Variants in FRYL observed in about 807,000 individuals in gnomAD.
The protein encoded by FRYL is protein furry homolog-like.
In FRYL, 150 loss-of-function variants were observed where a neutral mutation model predicts 351.2. That is an observed-to-expected ratio of 0.43 (90% CI 0.37 to 0.49). The LOEUF (loss-of-function observed/expected upper bound fraction) is 0.49, where lower values mean the gene tolerates loss of function less well. FRYL is among the 20% of genes least tolerant of loss of function. FRYL has a pLI of 0.00. For missense variants in FRYL, 3,036 were observed against 3,619.3 expected (o/e 0.84, Z 4.13); for synonymous variants, 1,153 against 1,257.1 (o/e 0.92, Z 1.75).
intron 1 of FRYL, among the ~76,000 whole-genome samples, chr4:48,771,816 T>C (rs1271588292): frequency 6.6e-6 from 1 of 152,200 alleles, no homozygotes; most frequent in African/African-American, 2.4e-5. Context: ...AAGTACTGTA[T>C]GGGGTTCTGT....
At chr4:48,718,432 A>G (rs758329273) in intron 1 of FRYL, among the ~76,000 whole-genome samples, 3 of 151,558 alleles carry the variant, frequency 2.0e-5, no homozygotes, top group Non-Finnish European at 4.4e-5. Context: ...TATTTAGCCA[A>G]CCCAACTGCA....
intron 3 of FRYL, among the ~76,000 whole-genome samples, chr4:48,660,233 TA>T (rs2149471969): frequency 6.6e-6 from 1 of 152,220 alleles, no homozygotes; most frequent in East Asian, 1.9e-4. Flanking sequence ...CATATTGATA[TA>T]AATGAATGAC....
At chr4:48,547,523 G>T in intron 41 of FRYL, 61 bp downstream of exon 41, 1 of 944,248 alleles carries the variant, frequency 1.1e-6, no homozygotes, top group Non-Finnish European at 1.5e-6. Flanking sequence ...TTTCTCTAAT[G>T]CAGGATTCCA....
At chr4:48,618,972 C>T in intron 7 of FRYL, 1 of 245,550 alleles carries the variant, frequency 4.1e-6, no homozygotes, top group Non-Finnish European at 7.7e-6. Flanking sequence ...ACTGAAGTAG[C>T]TGAATGGCAG....
intron 3 of FRYL, among the ~76,000 whole-genome samples, chr4:48,648,756 C>A (rs1757050362): frequency 1.3e-5 from 2 of 152,110 alleles, no homozygotes; most frequent in Admixed American, 6.5e-5. Flanking sequence ...AATGTAAGAA[C>A]CCTGTCACAA....
chr4:48,528,399 G>A, intron 50 of FRYL, 63 bp from the exon 51 acceptor site: 16 of 1,269,806 alleles, frequency 1.3e-5, no homozygotes, highest in East Asian at 2.4e-5. Flanking sequence ...AACTTAAAAG[G>A]GTTAACAGTG....
In FRYL at chr4:48,501,331, T is replaced by C. The variant is rs764587040; in HGVS notation, c.8592+292A>G. Reference sequence around the variant, plus strand: ...TCAGACTCTCGAGTAACTAGGACTATAGGTATGTGCCACCATCCCTGGCTT... The same window carrying C: ...TCAGACTCTCGAGTAACTAGGACTACAGGTATGTGCCACCATCCCTGGCTT... On this transcript the variant is annotated intron_variant, in intron 62 of 63. Coordinates refer to ENST00000358350, the MANE Select transcript of FRYL (RefSeq NM_015030.2). 2.0e-5 allele frequency among the ~76,000 whole-genome samples: 3 copies of C among 152,158 alleles called. 1 individual carries two copies. The highest frequency in any genetic ancestry group is 6.5e-5 in the Admixed American group (1 of 15,272).
intron 1 of FRYL, among the ~76,000 whole-genome samples, chr4:48,710,963 C>A (rs532216126): frequency 6.6e-6 from 1 of 152,210 alleles, no homozygotes; most frequent in African/African-American, 2.4e-5. Context: ...AATTGATGAA[C>A]AGATAAATAA....
chr4:48,636,143 T>C (rs967203415), intron 3 of FRYL, among the ~76,000 whole-genome samples: 7 of 152,146 alleles, frequency 4.6e-5, no homozygotes, highest in African/African-American at 1.7e-4. Context: ...TCACAGTCCT[T>C]TGAACACAGT....
intron 22 of FRYL, among the ~76,000 whole-genome samples, chr4:48,579,542 C>T (rs181647695): frequency 6.6e-6 from 1 of 152,188 alleles, no homozygotes; most frequent in East Asian, 1.9e-4. Flanking sequence ...CAAATTTCAT[C>T]GTATACCAAA....
At chr4:48,551,379 C>T in intron 37 of FRYL, 115 bp downstream of exon 37, 1 of 569,412 alleles carries the variant, frequency 1.8e-6, no homozygotes, top group Non-Finnish European at 2.9e-6. Flanking sequence ...ATATTTTTTT[C>T]ACTCGAATTT....
chr4:48,657,301 G>A (rs1367385234), intron 3 of FRYL, among the ~76,000 whole-genome samples: 2 of 151,304 alleles, frequency 1.3e-5, no homozygotes, highest in Non-Finnish European at 2.9e-5. Context: ...CTTTCAAGCA[G>A]CTGGGTAGAC....
intron 6 of FRYL, among the ~76,000 whole-genome samples, chr4:48,619,849 C>A (rs1750295509): frequency 6.6e-6 from 1 of 152,138 alleles, no homozygotes. Flanking sequence ...TATGTTCTTT[C>A]CCTTTTTATA....
chr4:48,537,171 T>C (rs1183117780), intron 47 of FRYL, among the ~76,000 whole-genome samples: 2 of 152,224 alleles, frequency 1.3e-5, no homozygotes, highest in Non-Finnish European at 2.9e-5. Context: ...TAAAAAACTT[T>C]CCTGAAGAAT....
chr4:48,766,147 T>C (rs550174020), intron 1 of FRYL, among the ~76,000 whole-genome samples: 1 of 152,242 alleles, frequency 6.6e-6, no homozygotes, highest in East Asian at 1.9e-4. Flanking sequence ...CCAAAGTAAA[T>C]AATATCACAA....
intron 1 of FRYL, among the ~76,000 whole-genome samples, chr4:48,752,829 C>T (rs1773386010): frequency 6.6e-6 from 1 of 152,166 alleles, no homozygotes; most frequent in South Asian, 2.1e-4. Flanking sequence ...AAGCAGCAGC[C>T]CCCACCTTCT....
intron 1 of FRYL, among the ~76,000 whole-genome samples, chr4:48,754,578 G>A (rs558146450): frequency 1.3e-5 from 2 of 151,862 alleles, no homozygotes; most frequent in Admixed American, 6.6e-5. Context: ...CACAGCATGT[G>A]CACCACTCTC....
chr4:48,536,353 T>C (rs187186414), intron 47 of FRYL, among the ~76,000 whole-genome samples: 32 of 152,328 alleles, frequency 2.1e-4, no homozygotes, highest in Admixed American at 1.8e-3. Flanking sequence ...TGATGAAATC[T>C]GGAGTCCAGA....
intron 1 of FRYL, among the ~76,000 whole-genome samples, chr4:48,715,468 A>T (rs1768682578): frequency 6.6e-6 from 1 of 151,940 alleles, no homozygotes. Context: ...AAGCATTCTT[A>T]TACACCAATA....
Sources: gnomAD v4.1 joint callset for allele counts (sites outside exome capture counted in the v4.1 genomes callset) on GRCh38, gnomAD v4.1.1 for gene constraint, MANE v1.5 for transcripts, NCBI Gene and HGNC (gene_info 2026-07-23, HGNC 2026-07-21) for gene names.